RAP1A: variants seen among roughly 807,000 people sequenced by gnomAD.
RAP1A encodes RAP1A, member of RAS oncogene family.
A neutral mutation model predicts 26.4 loss-of-function variants in RAP1A; 6 were observed. The ratio of observed to expected loss-of-function variants is 0.23; its 90% CI spans 0.12 to 0.45. RAP1A has a LOEUF of 0.45. RAP1A is among the 20% of genes least tolerant of loss of function. RAP1A has a pLI of 0.99. For missense variants in RAP1A, 121 were observed against 217.2 expected (o/e 0.56, Z 2.78); for synonymous variants, 73 against 79.4 (o/e 0.92, Z 0.43).
rs1343854487 is a variant in RAP1A, at chr1:111,714,507, T to C, written c.*2106T>C. 1 of 152,232 alleles carries C rather than the reference T, an allele frequency of 6.6e-6. No homozygotes were observed. The highest frequency in any genetic ancestry group is 2.4e-5 in the African/African-American group (1 of 41,468). The allele number at this position is 152,232 out of a possible 1,614,324, so 9.4% of individuals were successfully genotyped here. ...TGCTTGACTAGTAGCATAAACTCAG[T>C]CTATTCTATTTTAGAATGTGGTGGA... On this transcript the variant is annotated 3_prime_UTR_variant, in exon 8 of 8. Coordinates refer to ENST00000369709, the MANE Select transcript of RAP1A (RefSeq NM_002884.4).
intron 1 of RAP1A, among the ~76,000 whole-genome samples, chr1:111,556,071 C>T (rs533838691): frequency 6.2e-4 from 95 of 152,166 alleles, no homozygotes; most frequent in African/African-American, 2.2e-3. Context: ...TCAACAATGA[C>T]AACAACAAAA....
At position 111,709,571 on chromosome 1, in the gene RAP1A, A is replaced by G. The variant is rs1040901818; in HGVS notation, c.*29+307A>G. ...GAACGCCTTCCTAGATGACTCCCAAATTCATTCTTAATTGAAGTGAAACAG... is the reference window on the plus strand; with the variant it reads ...GAACGCCTTCCTAGATGACTCCCAAGTTCATTCTTAATTGAAGTGAAACAG... On this transcript the variant is annotated intron_variant, in intron 7 of 7. Coordinates refer to ENST00000369709, the MANE Select transcript of RAP1A (RefSeq NM_002884.4). 5.3e-5 allele frequency among the ~76,000 whole-genome samples: 8 copies of G among 152,186 alleles called. No homozygotes were observed. The East Asian group carries it at 7.7e-4, about 15-fold the overall frequency.
chr1:111,640,742 T>G (rs1659865526), intron 1 of RAP1A, among the ~76,000 whole-genome samples: 1 of 152,186 alleles, frequency 6.6e-6, no homozygotes, highest in Admixed American at 6.5e-5. Context: ...GGAGGATAGC[T>G]TGAGCCCATG....
chr1:111,704,295 A>G (rs1662118432), intron 5 of RAP1A, 48 bp from the exon 6 acceptor site: 1 of 1,583,210 alleles, frequency 6.3e-7, no homozygotes, highest in Non-Finnish European at 8.6e-7. Context: ...TTAAAAGGCT[A>G]AGTAATGAGT....
At chr1:111,613,613 A>G (rs1658964357) in intron 1 of RAP1A, among the ~76,000 whole-genome samples, 1 of 152,220 alleles carries the variant, frequency 6.6e-6, no homozygotes, top group South Asian at 2.1e-4. Flanking sequence ...ATGAAACGCT[A>G]TGTGACTAGT....
chr1:111,655,291 C>T (rs1660416146), intron 1 of RAP1A, among the ~76,000 whole-genome samples: 3 of 146,686 alleles, frequency 2.0e-5, no homozygotes, highest in South Asian at 4.3e-4. Flanking sequence ...CAGAAATTAA[C>T]TTGAGCGTGA....
intron 7 of RAP1A, among the ~76,000 whole-genome samples, chr1:111,710,189 TC>T (rs927620534): frequency 6.6e-6 from 1 of 152,228 alleles, no homozygotes; most frequent in African/African-American, 2.4e-5. Flanking sequence ...TGGTGGTGTA[TC>T]AGTGTAATTT....
intron 1 of RAP1A, among the ~76,000 whole-genome samples, chr1:111,611,739 C>T (rs556414443): frequency 1.4e-4 from 21 of 152,286 alleles, no homozygotes; most frequent in Non-Finnish European, 1.0e-4. Flanking sequence ...TTTGAACTCA[C>T]GCTGTGTGAC....
intron 1 of RAP1A, among the ~76,000 whole-genome samples, chr1:111,678,513 T>A (rs1482066512): frequency 6.6e-6 from 1 of 152,222 alleles, no homozygotes; most frequent in African/African-American, 2.4e-5. Flanking sequence ...CTTACACAAA[T>A]CTGGATGTAT....
At chr1:111,665,179 A>T (rs574992313) in intron 1 of RAP1A, among the ~76,000 whole-genome samples, 1 of 152,214 alleles carries the variant, frequency 6.6e-6, no homozygotes, top group Non-Finnish European at 1.5e-5. Context: ...CTTCAAGGAA[A>T]GGTTATAACA....
chr1:111,559,887 T>C (rs957006053), intron 1 of RAP1A, among the ~76,000 whole-genome samples: 3 of 152,310 alleles, frequency 2.0e-5, no homozygotes, highest in Non-Finnish European at 4.4e-5. Flanking sequence ...CTAAGTCTAC[T>C]CTCATGTATG....
intron 1 of RAP1A, chr1:111,649,219 G>C (rs531097754): frequency 2.0e-6 from 1 of 490,172 alleles, no homozygotes; most frequent in South Asian, 1.6e-5. Context: ...CTGAGCTGGG[G>C]TCCCTTCTTC....
At chr1:111,620,000 G>T (rs1361602156) in intron 1 of RAP1A, 66 bp downstream of exon 1, 3 of 396,632 alleles carry the variant, frequency 7.6e-6, no homozygotes, top group Non-Finnish European at 1.3e-5. Context: ...CGGCCGAGCC[G>T]AGGGTGAGGC....
intron 1 of RAP1A, among the ~76,000 whole-genome samples, chr1:111,586,276 A>G (rs993066488): frequency 6.6e-6 from 1 of 152,238 alleles, no homozygotes; most frequent in Non-Finnish European, 1.5e-5. Context: ...AGTCGTGACA[A>G]CATGAACAGC....
upstream of RAP1A, among the ~76,000 whole-genome samples, chr1:111,616,793 T>G (rs138283903): frequency 1.2e-3 from 183 of 152,270 alleles, 1 homozygote; most frequent in African/African-American, 4.3e-3. Flanking sequence ...TGGTCTCACT[T>G]TAATGTATGA....
chr1:111,576,490 T>C (rs1658149703), intron 1 of RAP1A, among the ~76,000 whole-genome samples: 1 of 152,182 alleles, frequency 6.6e-6, no homozygotes, highest in African/African-American at 2.4e-5. Flanking sequence ...AGACACTTGA[T>C]TCAGCAGGGG....
At chr1:111,674,440 A>G (rs1230304118) in intron 1 of RAP1A, among the ~76,000 whole-genome samples, 1 of 151,928 alleles carries the variant, frequency 6.6e-6, no homozygotes, top group East Asian at 1.9e-4. Flanking sequence ...TCTCTTTCTC[A>G]TTGGTTGACC....
At chr1:111,629,250 T>A (rs1038976270) in intron 1 of RAP1A, among the ~76,000 whole-genome samples, 1 of 152,166 alleles carries the variant, frequency 6.6e-6, no homozygotes, top group Non-Finnish European at 1.5e-5. Context: ...ACTTTTAGTG[T>A]TCCTGTTTTC....
At chr1:111,627,014 C>G (rs935110466) in intron 1 of RAP1A, among the ~76,000 whole-genome samples, 2 of 151,986 alleles carry the variant, frequency 1.3e-5, no homozygotes, top group African/African-American at 4.8e-5. Context: ...TTTCTTTGCA[C>G]TAGGAAATGT....
Sources: gnomAD v4.1 joint callset for allele counts (sites outside exome capture counted in the v4.1 genomes callset) on GRCh38, gnomAD v4.1.1 for gene constraint, MANE v1.5 for transcripts, NCBI Gene and HGNC (gene_info 2026-07-23, HGNC 2026-07-21) for gene names.